Variants in SHISA9 observed in about 807,000 individuals in gnomAD.
The protein encoded by SHISA9 is shisa family member 9.
A neutral mutation model predicts 38.0 loss-of-function variants in SHISA9; 13 were observed. That is an observed-to-expected ratio of 0.34 (90% confidence interval 0.22 to 0.54). The LOEUF (loss-of-function observed/expected upper bound fraction) is 0.54. Among genes scored for constraint, SHISA9 ranks in the 20% least tolerant of loss-of-function variants. The pLI is 0.91. For synonymous variants in SHISA9, 275 were observed against 242.0 expected (o/e 1.14, Z -1.27); for missense variants, 538 against 575.8 (o/e 0.93, Z 0.67).
the SHISA9 span, among the ~76,000 whole-genome samples, chr16:13,288,779 G>C: frequency 6.6e-6 from 1 of 152,036 alleles, no homozygotes; most frequent in South Asian, 2.1e-4. Flanking sequence ...GACAGAGCAA[G>C]ACTCTGTCTT....
At chr16:13,520,370 C>T in the SHISA9 span, among the ~76,000 whole-genome samples, 14 of 151,742 alleles carry the variant, frequency 9.2e-5, no homozygotes, top group Admixed American at 2.0e-4. Context: ...GAGGCCAAGG[C>T]GGGCAGATCA....
At chr16:13,177,704 C>T (rs969090415) in intron 2 of SHISA9, among the ~76,000 whole-genome samples, 1 of 152,094 alleles carries the variant, frequency 6.6e-6, no homozygotes, top group African/African-American at 2.4e-5. Flanking sequence ...GAGTCTTACT[C>T]TGTCGCCCAG....
intron 2 of SHISA9, among the ~76,000 whole-genome samples, chr16:13,073,317 G>A (rs1567202978): frequency 1.3e-5 from 2 of 151,426 alleles, no homozygotes; most frequent in African/African-American, 4.9e-5. Context: ...TCAGGTGGTC[G>A]AGGATGAAAA....
intron 2 of SHISA9, among the ~76,000 whole-genome samples, chr16:13,095,026 G>C (rs1011071431): frequency 3.9e-5 from 6 of 152,100 alleles, no homozygotes; most frequent in Non-Finnish European, 7.4e-5. Flanking sequence ...ATGTGATCAG[G>C]CATTTTCTTC....
intron 4 of SHISA9, among the ~76,000 whole-genome samples, chr16:13,228,387 A>G (rs1248781809): frequency 1.3e-5 from 2 of 152,192 alleles, no homozygotes; most frequent in African/African-American, 4.8e-5. Context: ...ATGCCTCTGT[A>G]TCTACTTTTC....
At chr16:13,557,966 G>A in the SHISA9 span, among the ~76,000 whole-genome samples, 1 of 152,046 alleles carries the variant, frequency 6.6e-6, no homozygotes, top group African/African-American at 2.4e-5. Context: ...TAAACTATAG[G>A]CTTCCGATCA....
chr16:13,118,730 C>CTT (rs34471353), intron 2 of SHISA9, among the ~76,000 whole-genome samples: 65,717 of 130,476 alleles, frequency 0.5, 16,827 homozygotes, highest in Admixed American at 0.59. Flanking sequence ...TTTCTTTTTT[C>CTT]TTTTTTTTTT....
At chr16:13,243,634 C>A (rs965538424), downstream of SHISA9, among the ~76,000 whole-genome samples, 15 of 152,004 alleles carry the variant, frequency 9.9e-5, no homozygotes, top group African/African-American at 3.6e-4. Flanking sequence ...TAAAATGTTT[C>A]TTATCAGACT....
the SHISA9 span, among the ~76,000 whole-genome samples, chr16:13,453,457 C>G: frequency 3.9e-5 from 6 of 152,282 alleles, 1 homozygote; most frequent in African/African-American, 1.4e-4. Context: ...TTCTTGCCTT[C>G]TCAATGCAAC....
chr16:13,094,447 T>A (rs888429502), intron 2 of SHISA9, among the ~76,000 whole-genome samples: 1 of 151,684 alleles, frequency 6.6e-6, no homozygotes, highest in African/African-American at 2.4e-5. Context: ...TGTTTACAGA[T>A]GACTAGGCAA....
chr16:13,121,900 C>A (rs1046996439), intron 2 of SHISA9, among the ~76,000 whole-genome samples: 1 of 149,810 alleles, frequency 6.7e-6, no homozygotes, highest in Non-Finnish European at 1.5e-5. Flanking sequence ...GCCTACATAA[C>A]AGACATAATT....
intron 2 of SHISA9, among the ~76,000 whole-genome samples, chr16:13,117,349 A>G (rs907202805): frequency 6.6e-6 from 1 of 151,446 alleles, no homozygotes; most frequent in Non-Finnish European, 1.5e-5. Context: ...ATACACATAA[A>G]TACAGCAGAC....
chr16:12,975,516 A>G (rs2072146900), intron 2 of SHISA9, among the ~76,000 whole-genome samples: 1 of 152,082 alleles, frequency 6.6e-6, no homozygotes, highest in Non-Finnish European at 1.5e-5. Flanking sequence ...AAAGAAAGGA[A>G]AAAGGAATAG....
intron 1 of SHISA9, among the ~76,000 whole-genome samples, chr16:12,907,159 T>TCCG (rs2141707770): frequency 1.6e-5 from 1 of 61,540 alleles, no homozygotes; most frequent in African/African-American, 8.5e-5. Context: ...CCCTCCCTCC[T>TCCG]TCCCTCCATC....
chr16:13,223,052 T>G (rs2051244508), intron 4 of SHISA9, among the ~76,000 whole-genome samples: 1 of 152,112 alleles, frequency 6.6e-6, no homozygotes, highest in African/African-American at 2.4e-5. Context: ...TAGGTGAAGC[T>G]TAGAGATTTG....
At chr16:13,109,448 A>G (rs989323632) in intron 2 of SHISA9, among the ~76,000 whole-genome samples, 3 of 152,088 alleles carry the variant, frequency 2.0e-5, no homozygotes, top group African/African-American at 7.2e-5. Flanking sequence ...GTGGGTGAAA[A>G]TCTTGCAAGG....
chr16:13,005,857 G>T (rs1452525445), intron 2 of SHISA9, among the ~76,000 whole-genome samples: 1 of 152,216 alleles, frequency 6.6e-6, no homozygotes, highest in Admixed American at 6.5e-5. Context: ...CCTAGGGACT[G>T]TTGCCTGTTT....
At chr16:13,434,909 G>A in the SHISA9 span, among the ~76,000 whole-genome samples, 1 of 152,196 alleles carries the variant, frequency 6.6e-6, no homozygotes, top group African/African-American at 2.4e-5. Context: ...AGCCTGTTTT[G>A]TTTAGAAAGA....
intron 2 of SHISA9, among the ~76,000 whole-genome samples, chr16:12,961,118 T>C (rs1220794796): frequency 1.3e-5 from 2 of 152,116 alleles, no homozygotes; most frequent in African/African-American, 4.8e-5. Context: ...AGGCTTTAGC[T>C]GAGACCCGGA....
Sources: gnomAD v4.1 joint callset for allele counts (sites outside exome capture counted in the v4.1 genomes callset) on GRCh38, gnomAD v4.1.1 for gene constraint, MANE v1.5 for transcripts, NCBI Gene and HGNC (gene_info 2026-07-23, HGNC 2026-07-21) for gene names.